ACTR3C: variants seen among roughly 807,000 people sequenced by gnomAD.
ACTR3C encodes the protein actin related protein 3C, also known as actin-related protein 3C.
In ACTR3C, 18 loss-of-function variants were observed where a neutral mutation model predicts 26.3. The ratio of observed to expected loss-of-function variants is 0.68; its 90% CI spans 0.47 to 1.01. The LOEUF (loss-of-function observed/expected upper bound fraction) is 1.01, where lower values mean the gene tolerates loss of function less well. Among genes scored for constraint, ACTR3C ranks in the 50% least tolerant of loss-of-function variants. ACTR3C has a pLI of 0.00. For synonymous variants in ACTR3C, 55 were observed against 94.5 expected, an observed-to-expected ratio of 0.58 and a Z score of 2.42; for missense variants, 184 against 250.7, an observed-to-expected ratio of 0.73 and a Z score of 1.80.
intron 6 of ACTR3C, among the ~76,000 whole-genome samples, chr7:150,275,476 C>T (rs1172566116): frequency 5.9e-5 from 9 of 152,150 alleles, no homozygotes; most frequent in Non-Finnish European, 5.9e-5. Flanking sequence ...TTCGGGAGGC[C>T]GAGGCAGGCA....
chr7:150,260,871 T>A (rs1396988305), intron 6 of ACTR3C, among the ~76,000 whole-genome samples: 1 of 152,238 alleles, frequency 6.6e-6, no homozygotes, highest in East Asian at 1.9e-4. Flanking sequence ...AAGCTTGGTC[T>A]TTTATGAGAT....
the ACTR3C span, among the ~76,000 whole-genome samples, chr7:150,080,376 G>A: frequency 8.7e-3 from 1,311 of 150,952 alleles, 16 homozygotes; most frequent in African/African-American, 0.03. Context: ...CTTCTTCACA[G>A]CAATTCCCCA....
chr7:150,235,605 C>A, the ACTR3C span, among the ~76,000 whole-genome samples: 151 of 152,282 alleles, frequency 9.9e-4, no homozygotes, highest in African/African-American at 3.3e-3. Flanking sequence ...GTATATAGAA[C>A]AAGTTGAATA....
At chr7:150,288,754 A>G (rs1835978032) in intron 4 of ACTR3C, among the ~76,000 whole-genome samples, 1 of 145,384 alleles carries the variant, frequency 6.9e-6, no homozygotes, top group Admixed American at 6.7e-5. Flanking sequence ...TCACCATTTC[A>G]GCACTGAGAG....
At chr7:149,926,053 ACT>A in the ACTR3C span, among the ~76,000 whole-genome samples, 2 of 152,000 alleles carry the variant, frequency 1.3e-5, no homozygotes, top group South Asian at 2.1e-4. Flanking sequence ...ACAGAGTGAG[ACT>A]CTGTCTCAAA....
intron 6 of ACTR3C, among the ~76,000 whole-genome samples, chr7:150,267,302 A>T (rs1834115697): frequency 6.6e-6 from 1 of 152,256 alleles, no homozygotes; most frequent in Non-Finnish European, 1.5e-5. Context: ...CAGTCTGAAA[A>T]GATTAAATGG....
At chr7:149,929,884 G>A in the ACTR3C span, among the ~76,000 whole-genome samples, 2 of 152,164 alleles carry the variant, frequency 1.3e-5, no homozygotes, top group Non-Finnish European at 2.9e-5. Flanking sequence ...AAGAAACCTC[G>A]TGGACATCAC....
the ACTR3C span, among the ~76,000 whole-genome samples, chr7:150,042,346 T>G: frequency 9.8e-6 from 1 of 101,850 alleles, no homozygotes. Context: ...TCGCGGGGGG[T>G]GCCTCCGCCC....
the ACTR3C span, among the ~76,000 whole-genome samples, chr7:149,882,993 G>A: frequency 6.6e-6 from 1 of 152,178 alleles, no homozygotes; most frequent in African/African-American, 2.4e-5. Context: ...TGGCTCTCAG[G>A]CTCTTGAGAA....
chr7:150,210,818 G>A, the ACTR3C span, among the ~76,000 whole-genome samples: 52 of 146,614 alleles, frequency 3.5e-4, no homozygotes, highest in East Asian at 8.4e-3. Flanking sequence ...TGACCGTGGC[G>A]TTTTCACGGG....
the ACTR3C span, among the ~76,000 whole-genome samples, chr7:149,986,290 G>A: frequency 6.6e-6 from 1 of 152,188 alleles, no homozygotes; most frequent in Non-Finnish European, 1.5e-5. Flanking sequence ...AAGAATGGAA[G>A]TTTGTGGTCT....
the ACTR3C span, among the ~76,000 whole-genome samples, chr7:150,195,123 G>A: frequency 7.5e-5 from 10 of 133,468 alleles, no homozygotes; most frequent in African/African-American, 1.2e-4. Context: ...ATATATATAT[G>A]TATATATATA....
chr7:150,149,078 A>G, the ACTR3C span, among the ~76,000 whole-genome samples: 1 of 49,588 alleles, frequency 2.0e-5, no homozygotes, highest in Non-Finnish European at 3.8e-5. Context: ...ATAAAGTTTG[A>G]GTATATATAT....
chr7:150,305,128 A>G (rs189152476), intron 1 of ACTR3C, among the ~76,000 whole-genome samples: 176 of 152,230 alleles, frequency 1.2e-3, no homozygotes, highest in Non-Finnish European at 1.9e-3. Context: ...GTACTCCTAA[A>G]TGTAAGTCAA....
chr7:150,057,406 A>G, the ACTR3C span, among the ~76,000 whole-genome samples: 2,173 of 151,046 alleles, frequency 0.014, 49 homozygotes, highest in African/African-American at 0.05. Flanking sequence ...TCAGACTCCC[A>G]AGTAGCTAGA....
the ACTR3C span, among the ~76,000 whole-genome samples, chr7:150,154,416 T>C: frequency 3.3e-5 from 5 of 151,994 alleles, no homozygotes; most frequent in Non-Finnish European, 5.9e-5. Flanking sequence ...TGAGATGCAC[T>C]GTAGGCTGAT....
chr7:150,219,627 T>C, the ACTR3C span, among the ~76,000 whole-genome samples: 1 of 136,890 alleles, frequency 7.3e-6, no homozygotes, highest in African/African-American at 3.4e-5. Flanking sequence ...AGTAAACATT[T>C]CCCAAGTCCC....
chr7:150,285,946 C>A (rs1238087199), intron 5 of ACTR3C, among the ~76,000 whole-genome samples: 2 of 152,048 alleles, frequency 1.3e-5, no homozygotes, highest in African/African-American at 4.8e-5. Flanking sequence ...GACCAACTGT[C>A]CAGGGTTAAA....
the ACTR3C span, among the ~76,000 whole-genome samples, chr7:150,209,779 G>A: frequency 1.3e-5 from 2 of 150,616 alleles, no homozygotes; most frequent in African/African-American, 4.9e-5. Flanking sequence ...AGCTGGGTGT[G>A]GTGGTGCATG....
Sources: gnomAD v4.1 joint callset for allele counts (sites outside exome capture counted in the v4.1 genomes callset) on GRCh38, gnomAD v4.1.1 for gene constraint, MANE v1.5 for transcripts, NCBI Gene and HGNC (gene_info 2026-07-23, HGNC 2026-07-21) for gene names.